Variants in TXNDC16 observed in about 807,000 individuals in gnomAD.
TXNDC16 encodes the protein thioredoxin domain-containing protein 16.
In TXNDC16, 74 loss-of-function variants were observed where a neutral mutation model predicts 85.6. The ratio of observed to expected loss-of-function variants is 0.86; its 90% CI spans 0.72 to 1.05. The LOEUF is 1.05. Among genes scored for constraint, TXNDC16 ranks in the 50% least tolerant of loss-of-function variants. The pLI, the probability that TXNDC16 is intolerant of heterozygous loss-of-function variation, is 0.00. For missense variants in TXNDC16, 959 were observed against 947.0 expected (o/e 1.01, Z -0.17); for synonymous variants, 335 against 326.5 (o/e 1.03, Z -0.28).
At chr14:52,435,537 C>T (rs954963597) in intron 20 of TXNDC16, among the ~76,000 whole-genome samples, 1 of 152,050 alleles carries the variant, frequency 6.6e-6, no homozygotes, top group Non-Finnish European at 1.5e-5. Flanking sequence ...TCCACTTAAA[C>T]AAAATATTGA....
intron 8 of TXNDC16, among the ~76,000 whole-genome samples, chr14:52,514,074 A>C (rs1347469145): frequency 6.6e-6 from 1 of 152,166 alleles, no homozygotes; most frequent in Non-Finnish European, 1.5e-5. Context: ...TGTCATACAG[A>C]GCAATAAAAA....
chr14:52,506,824 G>C (rs2036820302), intron 9 of TXNDC16, among the ~76,000 whole-genome samples: 1 of 144,660 alleles, frequency 6.9e-6, no homozygotes, highest in East Asian at 2.1e-4. Context: ...CCAAAGTGCT[G>C]GGATTACAGG....
At chr14:52,530,109 A>G (rs1440974711) in intron 6 of TXNDC16, among the ~76,000 whole-genome samples, 1 of 95,324 alleles carries the variant, frequency 1.0e-5, no homozygotes, top group African/African-American at 4.4e-5. Flanking sequence ...ATATATATTT[A>G]TATTATATAT....
intron 9 of TXNDC16, among the ~76,000 whole-genome samples, chr14:52,494,125 C>T (rs911073878): frequency 7.3e-5 from 11 of 150,736 alleles, no homozygotes; most frequent in African/African-American, 1.5e-4. Flanking sequence ...GGATTCTCTT[C>T]GGCAATTTTT....
At chr14:52,518,924 A>G (rs2037146015) in intron 7 of TXNDC16, among the ~76,000 whole-genome samples, 1 of 152,114 alleles carries the variant, frequency 6.6e-6, no homozygotes, top group African/African-American at 2.4e-5. Flanking sequence ...TCACTAGGAA[A>G]CTGAAGTTAA....
chr14:52,537,249 G>C (rs2037724865), intron 5 of TXNDC16, among the ~76,000 whole-genome samples: 1 of 152,062 alleles, frequency 6.6e-6, no homozygotes, highest in South Asian at 2.1e-4. Flanking sequence ...AGAGAGATTG[G>C]CAGATCTCTC....
chr14:52,472,681 C>T (rs2035935630), intron 14 of TXNDC16, among the ~76,000 whole-genome samples: 1 of 152,116 alleles, frequency 6.6e-6, no homozygotes, highest in South Asian at 2.1e-4. Flanking sequence ...CTTATTTCTT[C>T]CCAAATCAGA....
chr14:52,456,085 A>G (rs2035526945), intron 17 of TXNDC16, among the ~76,000 whole-genome samples: 1 of 152,172 alleles, frequency 6.6e-6, no homozygotes, highest in African/African-American at 2.4e-5. Context: ...AAAGAAAATT[A>G]TCTAAATAGA....
intron 1 of TXNDC16, among the ~76,000 whole-genome samples, chr14:52,545,410 ATC>A (rs2037921089): frequency 6.6e-6 from 1 of 152,184 alleles, no homozygotes; most frequent in Non-Finnish European, 1.5e-5. Flanking sequence ...CTCAGTAATA[ATC>A]TCTGTAGTTT....
chr14:52,494,255 G>A (rs1367899311), intron 9 of TXNDC16, among the ~76,000 whole-genome samples: 4 of 152,050 alleles, frequency 2.6e-5, no homozygotes, highest in African/African-American at 7.3e-5. Context: ...CCTCCCCTGA[G>A]TGTCAGTAGG....
At chr14:52,446,272 C>A (rs1335912625) in intron 18 of TXNDC16, among the ~76,000 whole-genome samples, 1 of 152,202 alleles carries the variant, frequency 6.6e-6, no homozygotes, top group Non-Finnish European at 1.5e-5. Context: ...AGGGAGAGCA[C>A]AGCAATTGTG....
chr14:52,440,443 G>A lies in TXNDC16; in HGVS notation c.2003+121C>T, dbSNP rs967547574. 1.7e-5 allele frequency: 12 copies of A among 686,478 alleles called. No homozygotes were observed. The Admixed American group carries it at 4.6e-4, about 26-fold the overall frequency. The allele number at this position is 686,478 out of a possible 1,614,324, so 42.5% of individuals were successfully genotyped here. On this transcript the variant is annotated intron_variant, in intron 19 of 20. Coordinates refer to ENST00000281741, the MANE Select transcript of TXNDC16 (RefSeq NM_020784.3). ...GGAGTTTTGTTACTAAAATATCATGGTGACATATTTGGTTCCATAAAATTA... is the reference window on the plus strand; with the variant it reads ...GGAGTTTTGTTACTAAAATATCATGATGACATATTTGGTTCCATAAAATTA...
intron 8 of TXNDC16, among the ~76,000 whole-genome samples, chr14:52,513,272 T>C (rs1192469983): frequency 6.6e-6 from 1 of 152,128 alleles, no homozygotes; most frequent in African/African-American, 2.4e-5. Flanking sequence ...CTACATCACA[T>C]AGGAAGCATT....
intron 6 of TXNDC16, among the ~76,000 whole-genome samples, chr14:52,522,416 G>GA (rs2140197131): frequency 6.6e-6 from 1 of 152,312 alleles, no homozygotes; most frequent in Admixed American, 6.5e-5. Flanking sequence ...AGTGAAAGCT[G>GA]ATATTATCAA....
Position 52,514,998 on chromosome 14 carries a change from G to A in TXNDC16, c.515-28C>T, listed in dbSNP as rs1191629609. 3.8e-6 allele frequency: 6 copies of A among 1,560,994 alleles called. No individual in the cohort carries two copies. The South Asian group carries it at 5.8e-5, about 15-fold the overall frequency. Reference sequence around the variant, plus strand: ...GAAGAAGAGATAAAGGGAGTTGGAAGACAGGAAAAAATAGTTTGTGTGACT... The same window carrying A: ...GAAGAAGAGATAAAGGGAGTTGGAAAACAGGAAAAAATAGTTTGTGTGACT... On this transcript the variant is annotated intron_variant, in intron 7 of 20. Transcript: ENST00000281741.
At chr14:52,462,375 C>T (rs982476978) in intron 16 of TXNDC16, among the ~76,000 whole-genome samples, 1 of 152,206 alleles carries the variant, frequency 6.6e-6, no homozygotes, top group African/African-American at 2.4e-5. Flanking sequence ...AGTGCAGTGG[C>T]ACAATCTTGG....
At chr14:52,483,888 T>C (rs2036205329) in intron 12 of TXNDC16, among the ~76,000 whole-genome samples, 1 of 152,168 alleles carries the variant, frequency 6.6e-6, no homozygotes, top group African/African-American at 2.4e-5. Context: ...AGGATAAAGC[T>C]TCTTTATGAA....
At chr14:52,530,347 AT>A (rs1488494305) in intron 6 of TXNDC16, among the ~76,000 whole-genome samples, 2 of 43,864 alleles carry the variant, frequency 4.6e-5, no homozygotes, top group East Asian at 2.5e-3. Flanking sequence ...ATAATTATAT[AT>A]TATAATATAA....
At position 52,461,186 on chromosome 14, in the gene TXNDC16, C is replaced by T. The variant is rs1394385095; in HGVS notation, c.1619-4012G>A. Among the ~76,000 whole-genome samples, 5 of 151,654 alleles carry T rather than the reference C, an allele frequency of 3.3e-5. No individual in the cohort carries two copies. The East Asian group carries it at 5.8e-4, about 18-fold the overall frequency. ...AGACTCTTTATTTAGAATTCTCTTA[C>T]ATTTAGTAGTTTTAATTATATTATG... On this transcript the variant is annotated intron_variant, in intron 16 of 20. Coordinates refer to ENST00000281741, the MANE Select transcript of TXNDC16 (RefSeq NM_020784.3).
Sources: gnomAD v4.1 joint callset for allele counts (sites outside exome capture counted in the v4.1 genomes callset) on GRCh38, gnomAD v4.1.1 for gene constraint, MANE v1.5 for transcripts, NCBI Gene and HGNC (gene_info 2026-07-23, HGNC 2026-07-21) for gene names.